FSHR: variants seen among roughly 807,000 people sequenced by gnomAD.
FSHR encodes the protein follicle-stimulating hormone receptor.
A neutral mutation model predicts 52.1 loss-of-function variants in FSHR; 46 were observed. The ratio of observed to expected loss-of-function variants is 0.88; its 90% CI spans 0.70 to 1.13. The LOEUF (loss-of-function observed/expected upper bound fraction) is 1.13. Among genes scored for constraint, FSHR ranks in the 50% most tolerant of loss-of-function variants. The pLI is 0.00. For synonymous variants in FSHR, 399 were observed against 309.6 expected, an observed-to-expected ratio of 1.29 and a Z score of -3.03; for missense variants, 964 against 834.6, an observed-to-expected ratio of 1.16 and a Z score of -1.91.
intron 2 of FSHR, among the ~76,000 whole-genome samples, chr2:49,021,816 G>C (rs1478582384): frequency 1.5e-5 from 2 of 134,520 alleles, no homozygotes; most frequent in Non-Finnish European, 3.2e-5. Flanking sequence ...ACATAAATAA[G>C]GGTGGGGTAT....
At chr2:49,075,063 G>C (rs934751491) in intron 1 of FSHR, among the ~76,000 whole-genome samples, 1 of 152,100 alleles carries the variant, frequency 6.6e-6, no homozygotes, top group African/African-American at 2.4e-5. Flanking sequence ...AGGATAAGGA[G>C]AGATTTGTTA....
At chr2:48,988,843 G>A (rs541937108) in intron 6 of FSHR, 134 bp downstream of exon 6, 74 of 720,916 alleles carry the variant, frequency 1.0e-4, no homozygotes, top group South Asian at 8.4e-4. Context: ...AGAGAGGAAC[G>A]CAGAACTGGA....
At chr2:49,020,552 C>T (rs1667652199) in intron 2 of FSHR, among the ~76,000 whole-genome samples, 1 of 150,768 alleles carries the variant, frequency 6.6e-6, no homozygotes, top group Admixed American at 6.6e-5. Flanking sequence ...TACTTTTTTG[C>T]CCTTGCTGTG....
intron 1 of FSHR, among the ~76,000 whole-genome samples, chr2:49,082,344 G>T (rs1670204704): frequency 6.6e-6 from 1 of 152,108 alleles, no homozygotes; most frequent in Non-Finnish European, 1.5e-5. Context: ...AAACCCATCT[G>T]TACATCACCA....
At chr2:48,988,192 T>C (rs1675604215) in intron 6 of FSHR, among the ~76,000 whole-genome samples, 1 of 152,238 alleles carries the variant, frequency 6.6e-6, no homozygotes, top group South Asian at 2.1e-4. Flanking sequence ...AACTTATGTT[T>C]TGTACATATA....
At chr2:49,092,592 CTT>C (rs375993085) in intron 1 of FSHR, among the ~76,000 whole-genome samples, 39 of 152,144 alleles carry the variant, frequency 2.6e-4, no homozygotes, top group African/African-American at 8.9e-4. Context: ...TTGATTTAAT[CTT>C]TTTTCTTTAG....
chr2:48,995,751 C>G (rs1470036299), intron 4 of FSHR, among the ~76,000 whole-genome samples: 1 of 152,008 alleles, frequency 6.6e-6, no homozygotes, highest in Non-Finnish European at 1.5e-5. Flanking sequence ...GGTTGAGAAC[C>G]AACTGTGGAG....
At chr2:49,018,950 G>T (rs1254134935) in intron 3 of FSHR, among the ~76,000 whole-genome samples, 2 of 152,166 alleles carry the variant, frequency 1.3e-5, no homozygotes, top group Non-Finnish European at 1.5e-5. Context: ...AGAGTCAAAA[G>T]ATTAATGTTC....
At chr2:49,023,727 G>A (rs973344169) in intron 2 of FSHR, among the ~76,000 whole-genome samples, 7 of 152,106 alleles carry the variant, frequency 4.6e-5, no homozygotes, top group Non-Finnish European at 7.4e-5. Flanking sequence ...GAGAGAGGAC[G>A]GGTGACTATA....
intron 2 of FSHR, among the ~76,000 whole-genome samples, chr2:49,026,815 A>T (rs1272925284): frequency 1.3e-5 from 2 of 151,812 alleles, no homozygotes; most frequent in Non-Finnish European, 2.9e-5. Flanking sequence ...CCATTTCTTA[A>T]TCCCTGTCTT....
intron 4 of FSHR, among the ~76,000 whole-genome samples, chr2:48,993,573 C>T (rs1023024426): frequency 6.6e-6 from 1 of 152,144 alleles, no homozygotes; most frequent in Non-Finnish European, 1.5e-5. Context: ...ATTCTCCATA[C>T]AGCACTCTGG....
intron 1 of FSHR, among the ~76,000 whole-genome samples, chr2:49,099,353 A>G (rs767186417): frequency 6.6e-6 from 1 of 152,054 alleles, no homozygotes; most frequent in Non-Finnish European, 1.5e-5. Flanking sequence ...TGCTGCTGCC[A>G]TGTAAGACAT....
intron 1 of FSHR, among the ~76,000 whole-genome samples, chr2:49,084,546 G>A (rs891382467): frequency 6.6e-5 from 10 of 152,138 alleles, no homozygotes; most frequent in Non-Finnish European, 1.3e-4. Context: ...AAAAATTAAT[G>A]AATCCAGGAG....
At chr2:49,046,773 A>G (rs1668676615) in intron 2 of FSHR, among the ~76,000 whole-genome samples, 1 of 152,178 alleles carries the variant, frequency 6.6e-6, no homozygotes, top group Admixed American at 6.5e-5. Context: ...TGGTGGACGG[A>G]TTATGCTTCT....
chr2:49,083,014 G>C (rs916912730), intron 1 of FSHR, among the ~76,000 whole-genome samples: 164 of 151,152 alleles, frequency 1.1e-3, no homozygotes, highest in African/African-American at 3.9e-3. Flanking sequence ...GATACTCCTC[G>C]AGAAGAGCAA....
chr2:48,973,513 C>A (rs1236758205), intron 8 of FSHR, among the ~76,000 whole-genome samples: 1 of 152,256 alleles, frequency 6.6e-6, no homozygotes, highest in Non-Finnish European at 1.5e-5. Flanking sequence ...ACAAACTCCA[C>A]TGAGGTCTCC....
At chr2:49,006,245 T>G (rs535137294) in intron 4 of FSHR, among the ~76,000 whole-genome samples, 9 of 152,008 alleles carry the variant, frequency 5.9e-5, no homozygotes, top group African/African-American at 2.2e-4. Context: ...ACATGACCCT[T>G]AACAGGTTTC....
chr2:49,094,308 A>G (rs1670736216), intron 1 of FSHR, among the ~76,000 whole-genome samples: 1 of 152,208 alleles, frequency 6.6e-6, no homozygotes, highest in South Asian at 2.1e-4. Flanking sequence ...TAAAAATTGC[A>G]TCAGATAAGG....
chr2:49,050,502 C>T (rs1668815835), intron 2 of FSHR, among the ~76,000 whole-genome samples: 1 of 152,110 alleles, frequency 6.6e-6, no homozygotes, highest in Non-Finnish European at 1.5e-5. Context: ...CCTGTCAATC[C>T]CTCTTTTACC....
Sources: allele counts gnomAD v4.1 joint callset (sites outside exome capture counted in the v4.1 genomes callset), GRCh38; gene constraint gnomAD v4.1.1; transcripts MANE v1.5; gene names NCBI Gene and HGNC (gene_info 2026-07-23, HGNC 2026-07-21).